UBE2E2: variants seen among roughly 807,000 people sequenced by gnomAD.
UBE2E2 encodes the protein ubiquitin conjugating enzyme E2 E2, also known as ubiquitin-conjugating enzyme E2 E2.
UBE2E2 carries 6 observed loss-of-function variants against 24.7 expected under a neutral mutation model. That is an observed-to-expected ratio of 0.24 (90% CI 0.13 to 0.48). The LOEUF is 0.48. Among genes scored for constraint, UBE2E2 ranks in the 20% least tolerant of loss-of-function variants. UBE2E2 has a pLI of 0.99. For missense variants in UBE2E2, 169 were observed against 245.0 expected, an observed-to-expected ratio of 0.69 and a Z score of 2.07; for synonymous variants, 104 against 83.6, an observed-to-expected ratio of 1.24 and a Z score of -1.33.
intron 4 of UBE2E2, among the ~76,000 whole-genome samples, chr3:23,516,081 A>C (rs1694733540): frequency 6.6e-6 from 1 of 152,252 alleles, no homozygotes; most frequent in South Asian, 2.1e-4. Flanking sequence ...GCATGCTTTG[A>C]AAGCTAACCT....
intron 5 of UBE2E2, among the ~76,000 whole-genome samples, chr3:23,570,029 G>A (rs532124048): frequency 7.2e-5 from 11 of 152,114 alleles, no homozygotes; most frequent in Admixed American, 6.6e-4. Flanking sequence ...CACTACTGCG[G>A]GTCACTTTCT....
At chr3:23,561,438 T>G (rs1695927138) in intron 5 of UBE2E2, among the ~76,000 whole-genome samples, 2 of 152,220 alleles carry the variant, frequency 1.3e-5, no homozygotes, top group Non-Finnish European at 1.5e-5. Flanking sequence ...TATATCTCTG[T>G]TTTGGTACCA....
At chr3:23,524,079 A>T (rs1694931737) in intron 4 of UBE2E2, among the ~76,000 whole-genome samples, 2 of 152,150 alleles carry the variant, frequency 1.3e-5, no homozygotes, top group Non-Finnish European at 2.9e-5. Context: ...TTTTTGAAAA[A>T]TTGAAAAACA....
intron 3 of UBE2E2, among the ~76,000 whole-genome samples, chr3:23,322,192 A>T (rs539105079): frequency 6.6e-6 from 1 of 152,312 alleles, no homozygotes; most frequent in East Asian, 1.9e-4. Flanking sequence ...GGAAGCTGGA[A>T]TTTTTCATAG....
intron 3 of UBE2E2, among the ~76,000 whole-genome samples, chr3:23,389,002 CA>C (rs34578427): frequency 0.12 from 9,980 of 80,964 alleles, 291 homozygotes; most frequent in Non-Finnish European, 0.15. Flanking sequence ...ACTCCATTTC[CA>C]AAAAAAAAAA....
intron 3 of UBE2E2, among the ~76,000 whole-genome samples, chr3:23,248,635 G>C (rs1256531234): frequency 1.3e-5 from 2 of 152,160 alleles, no homozygotes; most frequent in Admixed American, 1.3e-4. Context: ...GAACATACTT[G>C]AGAAATATAA....
chr3:23,356,906 A>T (rs1383445206), intron 3 of UBE2E2, among the ~76,000 whole-genome samples: 1 of 152,226 alleles, frequency 6.6e-6, no homozygotes, highest in African/African-American at 2.4e-5. Flanking sequence ...GATTTAACCC[A>T]TCAAAAGTTT....
chr3:23,336,453 A>T (rs1168525915), intron 3 of UBE2E2, among the ~76,000 whole-genome samples: 1 of 152,218 alleles, frequency 6.6e-6, no homozygotes, highest in Non-Finnish European at 1.5e-5. Flanking sequence ...CTTCAATCAC[A>T]TGATAGTAAA....
In UBE2E2 at chr3:23,479,393, G is replaced by A. The variant is rs545362813; in HGVS notation, c.228-20215G>A. 2.0e-5 allele frequency among the ~76,000 whole-genome samples: 3 copies of A among 152,298 alleles called. No homozygotes were observed. The South Asian group carries it at 6.2e-4, about 32-fold the overall frequency. On this transcript the variant is annotated intron_variant, in intron 3 of 5. Transcript: ENST00000396703. ...CTGAACAATGCATCTGAACGCAGTG[G>A]CAACCAGAAACTTGGAGACCCCAGG...
At position 23,400,623 on chromosome 3, in the gene UBE2E2, C is replaced by CACACACACAT. The variant is rs1553608506; in HGVS notation, c.228-98976_228-98975insTACACACACA. ...AATAAATGAAACACACACACACACA[C>CACACACACAT]ACACACACACACACACACATCTCAG... On this transcript the variant is annotated intron_variant, in intron 3 of 5. Transcript: ENST00000396703. 2.6e-4 allele frequency among the ~76,000 whole-genome samples: 40 copies of CACACACACAT among 151,258 alleles called. 1 individual carries two copies. The East Asian group carries it at 7.2e-3, about 27-fold the overall frequency.
intron 3 of UBE2E2, among the ~76,000 whole-genome samples, chr3:23,484,893 G>C (rs993308737): frequency 6.6e-6 from 1 of 152,032 alleles, no homozygotes; most frequent in African/African-American, 2.4e-5. Context: ...CCTTCCACTG[G>C]GTCCCTCCAT....
At chr3:23,568,332 G>T (rs1243792411) in intron 5 of UBE2E2, among the ~76,000 whole-genome samples, 1 of 152,106 alleles carries the variant, frequency 6.6e-6, no homozygotes, top group East Asian at 1.9e-4. Flanking sequence ...ATATTTTGCA[G>T]TACTAGTTAC....
chr3:23,405,955 A>G (rs543525055), intron 3 of UBE2E2, among the ~76,000 whole-genome samples: 2 of 152,188 alleles, frequency 1.3e-5, no homozygotes, highest in Admixed American at 6.6e-5. Flanking sequence ...TGAGTTTCCC[A>G]TAACTAGGGC....
rs149824399 is a variant in UBE2E2, at chr3:23,327,138, G to A, written c.227+109826G>A. ...GAATAGTGCTGCAATAAACATACAT[G>A]TGCATATGTCTTTATAGCAGCATGA... On this transcript the variant is annotated intron_variant, in intron 3 of 5. Transcript: ENST00000396703. Among the ~76,000 whole-genome samples, 396 of 152,278 alleles carry A rather than the reference G, an allele frequency of 2.6e-3. 3 individuals carry two copies. The highest frequency in any genetic ancestry group is 8.5e-3 in the African/African-American group (354 of 41,548).
chr3:23,346,180 C>A (rs925582280), intron 3 of UBE2E2, among the ~76,000 whole-genome samples: 14 of 152,158 alleles, frequency 9.2e-5, no homozygotes, highest in Non-Finnish European at 8.8e-5. Context: ...AACTCAGAGC[C>A]TGTTGAATTT....
At chr3:23,377,823 A>C (rs1336764791) in intron 3 of UBE2E2, among the ~76,000 whole-genome samples, 1 of 152,212 alleles carries the variant, frequency 6.6e-6, no homozygotes, top group Non-Finnish European at 1.5e-5. Context: ...AGCTTAGTAA[A>C]TATTATTTGT....
chr3:23,589,601 G>A lies in UBE2E2; in HGVS notation c.509-133G>A. 1 of 810,870 alleles carries A rather than the reference G, an allele frequency of 1.2e-6. No homozygotes were observed. Among genetic ancestry groups the A allele is most frequent in the East Asian group, 2.7e-5 (1 of 37,258 alleles). The allele number at this position is 810,870 out of a possible 1,614,324, so 50.2% of individuals were successfully genotyped here. ...CTGTCAGCAGCAGGTGACTGGCTCA[G>A]CCGCAGCAATGGTGGTCCAGGTTAG... On this transcript the variant is annotated intron_variant, in intron 5 of 5. Coordinates refer to ENST00000396703, the MANE Select transcript of UBE2E2 (RefSeq NM_152653.4). The surrounding 1 kb of genome is among the most constrained non-coding windows in gnomAD (Gnocchi z 4.1).
intron 5 of UBE2E2, among the ~76,000 whole-genome samples, chr3:23,535,586 A>G (rs1695239974): frequency 7.0e-6 from 1 of 142,868 alleles, no homozygotes; most frequent in South Asian, 2.3e-4. Flanking sequence ...CCACCACTTC[A>G]TGATGGTGTT....
intron 3 of UBE2E2, among the ~76,000 whole-genome samples, chr3:23,226,861 T>A (rs1696840268): frequency 6.6e-6 from 1 of 151,878 alleles, no homozygotes; most frequent in African/African-American, 2.4e-5. Context: ...GAAATTAATT[T>A]GTAATATGGA....
Sources: gnomAD v4.1 joint callset for allele counts (sites outside exome capture counted in the v4.1 genomes callset) on GRCh38, gnomAD v4.1.1 for gene constraint, Gnocchi (gnomAD v3.1) non-coding constraint, MANE v1.5 for transcripts, NCBI Gene and HGNC (gene_info 2026-07-23, HGNC 2026-07-21) for gene names.